The following NLRC3 variants were observed in gnomAD, a reference collection of about 807,000 sequenced individuals.
NLRC3 encodes the protein NLR family CARD domain containing 3.
In NLRC3, 87 loss-of-function variants were observed where a neutral mutation model predicts 91.6. The ratio of observed to expected loss-of-function variants is 0.95; its 90% CI spans 0.80 to 1.14. The LOEUF (loss-of-function observed/expected upper bound fraction) is 1.14. Among genes scored for constraint, NLRC3 ranks in the 50% most tolerant of loss-of-function variants. NLRC3 has a pLI of 0.00. For missense variants in NLRC3, 1,577 were observed against 1,418.6 expected (o/e 1.11, Z -1.79); for synonymous variants, 694 against 625.3 (o/e 1.11, Z -1.64).
At chr16:3,573,305 T>G (rs1265308633) in intron 1 of NLRC3, among the ~76,000 whole-genome samples, 2 of 151,642 alleles carry the variant, frequency 1.3e-5, no homozygotes, top group Non-Finnish European at 2.9e-5. Flanking sequence ...CGCATGCCTG[T>G]AATCCCAGCT....
At chr16:3,544,197 G>A (rs1346171641) in intron 16 of NLRC3, 49 bp downstream of exon 16, 1 of 1,118,520 alleles carries the variant, frequency 8.9e-7, no homozygotes, top group Non-Finnish European at 1.4e-6. Flanking sequence ...AACGTGAAAG[G>A]ATGGCGAAGG....
intron 1 of NLRC3, among the ~76,000 whole-genome samples, chr16:3,575,045 T>C (rs956230094): frequency 2.0e-5 from 3 of 152,264 alleles, no homozygotes; most frequent in Admixed American, 1.3e-4. Context: ...GCATAGCTTA[T>C]GTCATACTGG....
chr16:3,573,710 T>A (rs753957361), intron 1 of NLRC3, among the ~76,000 whole-genome samples: 5 of 152,072 alleles, frequency 3.3e-5, no homozygotes, highest in Non-Finnish European at 7.4e-5. Flanking sequence ...TCATTTGGGG[T>A]CTTATTGATT....
At position 3,540,301 on chromosome 16, in the gene NLRC3, G is replaced by A. The variant is rs1034437020; in HGVS notation, c.*1524C>T. 32 of 152,314 alleles carry A rather than the reference G, an allele frequency of 2.1e-4. No homozygotes were observed. The highest frequency in any genetic ancestry group is 7.7e-4 in the African/African-American group (32 of 41,560). 9.4% of individuals were successfully genotyped at this position (152,314 alleles called of 1,614,324 possible). On this transcript the variant is annotated 3_prime_UTR_variant, in exon 20 of 20. Coordinates refer to ENST00000359128, the MANE Select transcript of NLRC3 (RefSeq NM_178844.4). Reference sequence around the variant, plus strand: ...TTGAAGAAACATTTCAAATAATAGTGATTCCTTTCCAATTCAAAAGTAATC... The same window carrying A: ...TTGAAGAAACATTTCAAATAATAGTAATTCCTTTCCAATTCAAAAGTAATC...
chr16:3,573,858 G>C (rs2040186720), intron 1 of NLRC3, among the ~76,000 whole-genome samples: 1 of 151,936 alleles, frequency 6.6e-6, no homozygotes, highest in Admixed American at 6.6e-5. Context: ...CTGCTTTGTT[G>C]CCCAGGCTGG....
At chr16:3,550,946 C>T (rs1440492076) in intron 10 of NLRC3, among the ~76,000 whole-genome samples, 1 of 152,150 alleles carries the variant, frequency 6.6e-6, no homozygotes, top group South Asian at 2.1e-4. Context: ...TCCATCCACT[C>T]ACTTATTGAT....
intron 2 of NLRC3, among the ~76,000 whole-genome samples, chr16:3,566,066 C>T (rs2039869597): frequency 8.7e-6 from 1 of 114,698 alleles, no homozygotes; most frequent in Non-Finnish European, 1.7e-5. Context: ...AAACAAAAAA[C>T]TTAACTCTTC....
At chr16:3,573,935 C>T (rs2040189821) in intron 1 of NLRC3, among the ~76,000 whole-genome samples, 1 of 151,258 alleles carries the variant, frequency 6.6e-6, no homozygotes, top group Non-Finnish European at 1.5e-5. Context: ...TCTCCCACCT[C>T]AGCCTCCCAA....
At chr16:3,572,291 A>G (rs1292286894) in intron 1 of NLRC3, among the ~76,000 whole-genome samples, 2 of 151,878 alleles carry the variant, frequency 1.3e-5, no homozygotes, top group Non-Finnish European at 2.9e-5. Flanking sequence ...GAGAACATGG[A>G]GGTAGTGGGA....
At chr16:3,549,054 C>G in intron 13 of NLRC3, 88 bp downstream of exon 13, 1 of 1,014,236 alleles carries the variant, frequency 9.9e-7, no homozygotes, top group Non-Finnish European at 1.5e-6. Context: ...AACCCTGTGA[C>G]GTGGCGAGGG....
intron 15 of NLRC3, among the ~76,000 whole-genome samples, chr16:3,547,271 C>A (rs2038738341): frequency 6.6e-6 from 1 of 152,158 alleles, no homozygotes; most frequent in South Asian, 2.1e-4. Flanking sequence ...AAATCTGACA[C>A]CAAATGAAAG....
At chr16:3,573,289 C>T (rs995727898) in intron 1 of NLRC3, among the ~76,000 whole-genome samples, 2 of 151,576 alleles carry the variant, frequency 1.3e-5, no homozygotes, top group African/African-American at 4.8e-5. Context: ...TAGCTGAGCA[C>T]GGTGGCGCAT....
intron 11 of NLRC3, among the ~76,000 whole-genome samples, chr16:3,549,983 G>A (rs1423543172): frequency 1.3e-5 from 2 of 152,096 alleles, no homozygotes; most frequent in East Asian, 1.9e-4. Context: ...GGGCAGGTGG[G>A]TTCAGCACAA....
chr16:3,558,582 C>CCACACACA (rs3067979), intron 6 of NLRC3, among the ~76,000 whole-genome samples: 13 of 147,618 alleles, frequency 8.8e-5, no homozygotes, highest in Non-Finnish European at 1.8e-4. Flanking sequence ...TAAAAAAAAA[C>CCACACACA]CACACACACA....
Position 3,548,259 on chromosome 16 carries a change from CTA to C in NLRC3, c.2688-43_2688-42del, listed in dbSNP as rs758393289. 5 of 1,492,548 alleles carry C rather than the reference CTA, an allele frequency of 3.3e-6. No individual in the cohort carries two copies. The African/African-American group carries it at 5.5e-5, about 17-fold the overall frequency. 92.5% of individuals were successfully genotyped at this position (1,492,548 alleles called of 1,614,324 possible). ...CACATGTGACTATGTGACTATGTGA[CTA>C]TGTGGCCCTGGGGCAGAGCCAAGGA... On this transcript the variant is annotated intron_variant, in intron 14 of 19. Transcript: ENST00000359128.
rs771092417 is a variant in NLRC3, at chr16:3,563,885, T to G, written c.1052A>C (p.Asp351Ala). ...GGTCCTCGGGGGCCACAGCTCTGCA[T>G]CCTGGGGCCCCGTCCTGCTGCGCCA... ...HLWRSRTGPQ[D>A]AELWPPRTLC... is the part of the protein sequence containing the mutation. The change falls in exon 5 of 20, where the codon GAT becomes GCT. Residue 351 changes from aspartate (D) to alanine (A), a missense_variant. Coordinates refer to ENST00000359128, the MANE Select transcript of NLRC3 (RefSeq NM_178844.4). 1 of 1,600,158 alleles carries G rather than the reference T, an allele frequency of 6.2e-7. No homozygotes were observed. Among genetic ancestry groups the G allele is most frequent in the African/African-American group, 1.3e-5 (1 of 74,608 alleles).
At chr16:3,557,060 C>T in intron 7 of NLRC3, 66 bp from the exon 8 acceptor site, 1 of 1,102,500 alleles carries the variant, frequency 9.1e-7, no homozygotes, top group Non-Finnish European at 1.4e-6. Context: ...GAAACAGAAA[C>T]TGCATTGACC....
In NLRC3 at chr16:3,543,470, A is replaced by G; in HGVS notation, c.2894T>C (p.Val965Ala). The change falls in exon 17 of 20, where the codon GTG (valine) becomes GCG (alanine). Residue 965 changes from valine to alanine, a missense_variant. Val to Ala is a moderately conservative substitution (Grantham distance 64). Transcript: ENST00000359128. ...VASIGASGAQVLGEALAVNRT... is the reference protein window; with the variant it reads ...VASIGASGAQALGEALAVNRT... ...GTTCACAGCCAAGGCTTCCCCTAGC[A>G]CCTGGGCGCCTGAAGCACCAATTGA... The G allele has an allele frequency of 6.2e-7, 1 of 1,613,380 alleles. No homozygotes were observed. The highest frequency in any genetic ancestry group is 8.5e-7 in the Non-Finnish European group (1 of 1,179,670).
In NLRC3 at chr16:3,563,089, C is replaced by G. The variant is rs752049880; in HGVS notation, c.1848G>C (p.Gln616His). 3.8e-6 allele frequency: 6 copies of G among 1,573,080 alleles called. No homozygotes were observed. The African/African-American group carries it at 8.1e-5, about 21-fold the overall frequency. ...YLLQVSDACAQEANLSLSLSQ... is the reference protein window; with the variant it reads ...YLLQVSDACAHEANLSLSLSQ... ...TGAGGCTCAGGGACAGGTTGGCCTCCTGGGCACAGGCGTCGGACACCTGCA... is the reference window on the plus strand; with the variant it reads ...TGAGGCTCAGGGACAGGTTGGCCTCGTGGGCACAGGCGTCGGACACCTGCA... Residue 616 changes from glutamine (Q) to histidine (H), a missense_variant, in exon 5 of 20, where the codon CAG (glutamine) becomes CAC (histidine). Transcript: ENST00000359128.
Sources: gnomAD v4.1 joint callset for allele counts (sites outside exome capture counted in the v4.1 genomes callset) on GRCh38, gnomAD v4.1.1 for gene constraint, MANE v1.5 for transcripts, NCBI Gene and HGNC (gene_info 2026-07-23, HGNC 2026-07-21) for gene names.